The following CCDC71L variants were observed in gnomAD, a reference collection of about 807,000 sequenced individuals.
CCDC71L encodes coiled-coil domain-containing protein 71L.
CCDC71L carries 6 observed loss-of-function variants against 10.2 expected under a neutral mutation model. That is an observed-to-expected ratio of 0.59 (90% CI 0.32 to 1.16). CCDC71L has a LOEUF of 1.16. CCDC71L is among the 50% of genes most tolerant of loss of function. CCDC71L has a pLI of 0.05. For missense variants in CCDC71L, 366 were observed against 383.4 expected (o/e 0.95, Z 0.38); for synonymous variants, 204 against 175.5 (o/e 1.16, Z -1.28).
In CCDC71L at chr7:106,658,542, T is replaced by C. The variant is rs1428025802; in HGVS notation, c.*1647A>G. The stretch of plus-strand genomic sequence containing the variant: ...CTCCTAAAAAGCTGCCAAGCAGAGA[T>C]AAGCTTTAGTATTAAAGATTTCACA... On this transcript the variant is annotated 3_prime_UTR_variant, in exon 1 of 1. Coordinates refer to ENST00000523505, the MANE Select transcript of CCDC71L (RefSeq NM_175884.6). 6.6e-6 allele frequency: 1 copy of C among 152,504 alleles called. No homozygotes were observed. The highest frequency in any genetic ancestry group is 1.5e-5 in the Non-Finnish European group (1 of 68,024). 9.4% of individuals were successfully genotyped at this position (152,504 alleles called of 1,614,324 possible). A position where few individuals can be genotyped will look rare whatever the true frequency, so the allele number is the denominator to read the frequency against.
At position 106,657,075 on chromosome 7, in the gene CCDC71L, AAG is replaced by A. The variant is rs564858926; in HGVS notation, c.*3112_*3113del. The stretch of plus-strand genomic sequence containing the variant: ...ATTCAAATATTTTTAAAATTTACTT[AAG>A]AGTTTTCTAAAAAATAGTACTATCA... On this transcript the variant is annotated 3_prime_UTR_variant, in exon 1 of 1. Transcript: ENST00000523505. 3 of 148,156 alleles carry A rather than the reference AAG, an allele frequency of 2.0e-5. No homozygotes were observed. The highest frequency in any genetic ancestry group is 6.6e-5 in the Admixed American group (1 of 15,076). The allele number at this position is 148,156 out of a possible 1,614,324, so 9.2% of individuals were successfully genotyped here.
rs1025023406 is a variant in CCDC71L, at chr7:106,659,394, G to T, written c.*795C>A. 6.6e-6 allele frequency: 1 copy of T among 152,356 alleles called. No individual in the cohort carries two copies. Among genetic ancestry groups the T allele is most frequent in the Admixed American group, 6.6e-5 (1 of 15,262 alleles). 9.4% of individuals were successfully genotyped at this position (152,356 alleles called of 1,614,324 possible). On this transcript the variant is annotated 3_prime_UTR_variant, in exon 1 of 1. Transcript: ENST00000523505. The stretch of plus-strand genomic sequence containing the variant: ...ATGCATTTTTTTATTCAATTCAAAA[G>T]AATTTAACAAGTTAACTTTTCCTAA...
In CCDC71L at chr7:106,660,206, G is replaced by A. The variant is rs779188005; in HGVS notation, c.691C>T (p.Pro231Ser). Residue 231 changes from proline to serine, a missense_variant, in exon 1 of 1, where the codon CCG (proline) becomes TCG (serine). Transcript: ENST00000523505. The surrounding 1 kb of genome is among the most constrained non-coding windows in gnomAD (Gnocchi z 7.5). The part of the protein sequence containing the change: ...LEPMVRLRRF[P>S]VPRA ...GCCGCACCTCATGCCCGGGGCACCG[G>A]GAAGCGGCGGAGCCTCACCATGGGT... The A allele has an allele frequency of 1.9e-6, 3 of 1,567,186 alleles. No homozygotes were observed. In the South Asian group the frequency reaches 3.4e-5, roughly 18 times the overall value.
Position 106,660,778 on chromosome 7 carries a change from AC to A in CCDC71L, c.118del (p.Val40TrpfsTer32). Reference protein sequence around the residue: ...GAGLEAREEKVVYSRSQLSLA... With the variant: ...GAGLEAREEKXVYSRSQLSLA... The stretch of plus-strand genomic sequence containing the variant: ...CGACAGTTGCGACCGCGAGTACACC[AC>A]CTTCTCCTCCCGCGCCTCCAACCCA... On this transcript the variant is annotated frameshift_variant, in exon 1 of 1. Coordinates refer to ENST00000523505, the MANE Select transcript of CCDC71L (RefSeq NM_175884.6). LOFTEE classifies it high-confidence loss of function. This position sits in a 1 kb window ranked among gnomAD's most constrained non-coding sequence, Gnocchi z 7.5. The A allele has an allele frequency of 6.5e-7, 1 of 1,548,772 alleles. No homozygotes were observed.
rs1792592414 is a variant in CCDC71L, at chr7:106,661,063, C to T, written c.-167G>A. The T allele has an allele frequency of 1.9e-6, 2 of 1,044,928 alleles. No homozygotes were observed. Among genetic ancestry groups the T allele is most frequent in the Non-Finnish European group, 2.5e-6 (2 of 793,580 alleles). The allele number at this position is 1,044,928 out of a possible 1,614,324, so 64.7% of individuals were successfully genotyped here. On this transcript the variant is annotated 5_prime_UTR_variant, in exon 1 of 1. Coordinates refer to ENST00000523505, the MANE Select transcript of CCDC71L (RefSeq NM_175884.6). Reference sequence around the variant, plus strand: ...AGGGCGGAGGACGCGGGCGAATATCCTGCTGCCCGGTACAAGATGGCGGCC... The same window carrying T: ...AGGGCGGAGGACGCGGGCGAATATCTTGCTGCCCGGTACAAGATGGCGGCC...
In CCDC71L at chr7:106,660,481, G is replaced by A. The variant is rs1584308526; in HGVS notation, c.416C>T (p.Ala139Val). 1.2e-5 allele frequency: 15 copies of A among 1,224,868 alleles called. No individual in the cohort carries two copies. In the South Asian group the frequency reaches 4.4e-4, roughly 36 times the overall value. 75.9% of individuals were successfully genotyped at this position (1,224,868 alleles called of 1,614,324 possible). The change falls in exon 1 of 1, where the codon GCG becomes GTG. Residue 139 changes from alanine (A) to valine (V), a missense_variant. Physicochemically the swap from Ala to Val is moderately conservative, Grantham distance 64. Coordinates refer to ENST00000523505, the MANE Select transcript of CCDC71L (RefSeq NM_175884.6). This position sits in a 1 kb window ranked among gnomAD's most constrained non-coding sequence, Gnocchi z 7.5. ...GGGCTTCCTCCTGCGGGCAGCGGCC[G>A]CCCGGGCTCCGCGGCGCCTCCTCCT... is the stretch of plus-strand genomic sequence containing the variant. The part of the protein sequence containing the change: ...AARRRRRGAR[A>V]AAARRRKPRP...
rs1369557392 is a variant in CCDC71L at position 106,661,127 on chromosome 7, G to A, written c.-231C>T. ...GGGCTTTGTCATTGGACGGCGCCTC[G>A]CCCCCCTGGTTTCTCTTTCTTCTCC... On this transcript the variant is annotated 5_prime_UTR_variant, in exon 1 of 1. Coordinates refer to ENST00000523505, the MANE Select transcript of CCDC71L (RefSeq NM_175884.6). 6 of 478,996 alleles carry A rather than the reference G, an allele frequency of 1.3e-5. No homozygotes were observed. Among genetic ancestry groups the A allele is most frequent in the South Asian group, 1.7e-4 (2 of 11,604 alleles). 29.7% of individuals were successfully genotyped at this position (478,996 alleles called of 1,614,324 possible).
Position 106,660,083 on chromosome 7 carries a change from G to T in CCDC71L, c.*106C>A. ...GCGCGTAAAGTGCATTGGGGGCCGG[G>T]GTCCTGGCCGGATCTGTAAACACTC... On this transcript the variant is annotated 3_prime_UTR_variant, in exon 1 of 1. Transcript: ENST00000523505. This position sits in a 1 kb window ranked among gnomAD's most constrained non-coding sequence, Gnocchi z 7.5. 7.5e-7 allele frequency: 1 copy of T among 1,328,856 alleles called. No homozygotes were observed. The highest frequency in any genetic ancestry group is 9.7e-7 in the Non-Finnish European group (1 of 1,029,710). The allele number at this position is 1,328,856 out of a possible 1,614,324, so 82.3% of individuals were successfully genotyped here.
At position 106,660,525 on chromosome 7, in the gene CCDC71L, C is replaced by G; in HGVS notation, c.372G>C (p.Pro124=). 6.9e-7 allele frequency: 1 copy of G among 1,444,940 alleles called. No homozygotes were observed. The highest frequency in any genetic ancestry group is 9.1e-7 in the Non-Finnish European group (1 of 1,094,472). 89.5% of individuals were successfully genotyped at this position (1,444,940 alleles called of 1,614,324 possible). A position where few individuals can be genotyped will look rare whatever the true frequency, so the allele number is the denominator to read the frequency against. The change falls in exon 1 of 1, where the codon CCG becomes CCC. Residue 124 remains proline, a synonymous_variant. Transcript: ENST00000523505. This position sits in a 1 kb window ranked among gnomAD's most constrained non-coding sequence, Gnocchi z 7.5. ...TCCTCCTGGCCGCTGCGCGCGGAAC[C>G]GGCCGGCGCGCCTGGCCGCGGGCTG... ...PPTARGQARR[P]VPRAAARRRR...
In CCDC71L at chr7:106,658,104, CTAGT is replaced by C. The variant is rs1367117571; in HGVS notation, c.*2081_*2084del. Reference sequence around the variant, plus strand: ...TGTACAAATACATTTTTTCCAGGTGCTAGTTAGCTATAAAAGTTAACAATATATT... The same window carrying C: ...TGTACAAATACATTTTTTCCAGGTGCTAGCTATAAAAGTTAACAATATATT... On this transcript the variant is annotated 3_prime_UTR_variant, in exon 1 of 1. Coordinates refer to ENST00000523505, the MANE Select transcript of CCDC71L (RefSeq NM_175884.6). The C allele has an allele frequency of 3.3e-5, 5 of 152,082 alleles. No individual in the cohort carries two copies. The highest frequency in any genetic ancestry group is 1.2e-4 in the African/African-American group (5 of 41,412). The allele number at this position is 152,082 out of a possible 1,614,324, so 9.4% of individuals were successfully genotyped here.
At position 106,660,141 on chromosome 7, in the gene CCDC71L, G is replaced by C; in HGVS notation, c.*48C>G. On this transcript the variant is annotated 3_prime_UTR_variant, in exon 1 of 1. Coordinates refer to ENST00000523505, the MANE Select transcript of CCDC71L (RefSeq NM_175884.6). The surrounding 1 kb of genome is among the most constrained non-coding windows in gnomAD (Gnocchi z 7.5). ...ACTTGTTCATTCCTCCGGGCGGAAGGCCTGTCCCAAGGTCGGGGCCGGCAG... is the reference window on the plus strand; with the variant it reads ...ACTTGTTCATTCCTCCGGGCGGAAGCCCTGTCCCAAGGTCGGGGCCGGCAG... 1 of 1,463,218 alleles carries C rather than the reference G, an allele frequency of 6.8e-7. No homozygotes were observed. The highest frequency in any genetic ancestry group is 8.9e-7 in the Non-Finnish European group (1 of 1,117,816). The allele number at this position is 1,463,218 out of a possible 1,614,324, so 90.6% of individuals were successfully genotyped here. A position where few individuals can be genotyped will look rare whatever the true frequency, so the allele number is the denominator to read the frequency against.
Position 106,660,969 on chromosome 7 carries a change from C to T in CCDC71L, c.-73G>A. ...GCCGCCGTCCCAGTCCGCGTTGGCT[C>T]CGCGGCGGCGGCTGCTGCTGGCGTC... On this transcript the variant is annotated 5_prime_UTR_variant, in exon 1 of 1. Coordinates refer to ENST00000523505, the MANE Select transcript of CCDC71L (RefSeq NM_175884.6). The surrounding 1 kb of genome is among the most constrained non-coding windows in gnomAD (Gnocchi z 7.5). The T allele has an allele frequency of 7.7e-7, 1 of 1,297,178 alleles. No individual in the cohort carries two copies. The highest frequency in any genetic ancestry group is 9.8e-7 in the Non-Finnish European group (1 of 1,024,768). 80.4% of individuals were successfully genotyped at this position (1,297,178 alleles called of 1,614,324 possible). A position where few individuals can be genotyped will look rare whatever the true frequency, so the allele number is the denominator to read the frequency against.
At position 106,656,113 on chromosome 7, in the gene CCDC71L, A is replaced by G. The variant is rs903500759; in HGVS notation, c.*4076T>C. 8.5e-5 allele frequency among the ~76,000 whole-genome samples: 13 copies of G among 152,228 alleles called. No individual in the cohort carries two copies. Among genetic ancestry groups the G allele is most frequent in the Admixed American group, 7.9e-4 (12 of 15,286 alleles). On this transcript the variant is annotated 3_prime_UTR_variant, in exon 1 of 1. Transcript: ENST00000523505. ...TGAGGAAGCAAGGCACAAAGATTTTAAGTAACTTACCTACAGTCTCAACAC... is the reference window on the plus strand; with the variant it reads ...TGAGGAAGCAAGGCACAAAGATTTTGAGTAACTTACCTACAGTCTCAACAC...
At position 106,660,512 on chromosome 7, in the gene CCDC71L, C is replaced by G; in HGVS notation, c.385G>C (p.Ala129Pro). Reference sequence around the variant, plus strand: ...GCTCCGCGGCGCCTCCTCCTGGCCGCTGCGCGCGGAACCGGCCGGCGCGCC... The same window carrying G: ...GCTCCGCGGCGCCTCCTCCTGGCCGGTGCGCGCGGAACCGGCCGGCGCGCC... The part of the protein sequence containing the change: ...GQARRPVPRA[A>P]ARRRRRGARA... The change falls in exon 1 of 1, where the codon GCG becomes CCG. Residue 129 changes from alanine to proline, a missense_variant. Coordinates refer to ENST00000523505, the MANE Select transcript of CCDC71L (RefSeq NM_175884.6). This position sits in a 1 kb window ranked among gnomAD's most constrained non-coding sequence, Gnocchi z 7.5. The G allele has an allele frequency of 7.3e-7, 1 of 1,363,064 alleles. No individual in the cohort carries two copies. The allele number at this position is 1,363,064 out of a possible 1,614,324, so 84.4% of individuals were successfully genotyped here.
In CCDC71L at chr7:106,658,050, TA is replaced by T. The variant is rs1180487297; in HGVS notation, c.*2138del. The T allele has an allele frequency of 1.3e-5, 2 of 152,230 alleles. No individual in the cohort carries two copies. The highest frequency in any genetic ancestry group is 1.3e-4 in the Admixed American group (2 of 15,282). The allele number at this position is 152,230 out of a possible 1,614,324, so 9.4% of individuals were successfully genotyped here. A position where few individuals can be genotyped will look rare whatever the true frequency, so the allele number is the denominator to read the frequency against. On this transcript the variant is annotated 3_prime_UTR_variant, in exon 1 of 1. Coordinates refer to ENST00000523505, the MANE Select transcript of CCDC71L (RefSeq NM_175884.6). ...TATGGCCATTGGGTTTATTTTTCAT[TA>T]TTATAAAACTATATACAATAGTAAA...
At position 106,660,416 on chromosome 7, in the gene CCDC71L, A is replaced by G; in HGVS notation, c.481T>C (p.Cys161Arg). 1 of 1,265,456 alleles carries G rather than the reference A, an allele frequency of 7.9e-7. No homozygotes were observed. The highest frequency in any genetic ancestry group is 9.9e-7 in the Non-Finnish European group (1 of 1,006,388). 78.4% of individuals were successfully genotyped at this position (1,265,456 alleles called of 1,614,324 possible). The change falls in exon 1 of 1, where the codon TGC (cysteine) becomes CGC (arginine). Residue 161 changes from cysteine (C) to arginine (R), a missense_variant. Physicochemically the swap from Cys to Arg is radical, Grantham distance 180 (BLOSUM62 -3). Coordinates refer to ENST00000523505, the MANE Select transcript of CCDC71L (RefSeq NM_175884.6). The surrounding 1 kb of genome is among the most constrained non-coding windows in gnomAD (Gnocchi z 7.5). Reference sequence around the variant, plus strand: ...CCGGGGGCCACGGGCTTGGCCGGGCAGCTCTCCTCGGGGGGCGGCGGCGGT... The same window carrying G: ...CCGGGGGCCACGGGCTTGGCCGGGCGGCTCTCCTCGGGGGGCGGCGGCGGT... Reference protein sequence around the residue: ...PPPPPPPEESCPAKPVAPGPC... With the variant: ...PPPPPPPEESRPAKPVAPGPC...
chr7:106,660,013 C>T lies in CCDC71L; in HGVS notation c.*176G>A, dbSNP rs1792559859. 1.1e-6 allele frequency: 1 copy of T among 916,974 alleles called. No individual in the cohort carries two copies. The highest frequency in any genetic ancestry group is 1.5e-6 in the Non-Finnish European group (1 of 658,038). The allele number at this position is 916,974 out of a possible 1,614,324, so 56.8% of individuals were successfully genotyped here. On this transcript the variant is annotated 3_prime_UTR_variant, in exon 1 of 1. Transcript: ENST00000523505. This position sits in a 1 kb window ranked among gnomAD's most constrained non-coding sequence, Gnocchi z 7.5. ...ACACCTGCCCCAGCGTCCAAGACGA[C>T]CGCGCCGCGGCCCGGGACAGGGACA...
In CCDC71L at chr7:106,660,942, C is replaced by A; in HGVS notation, c.-46G>T. ...TCACGCTCGCCGGGTCCCACTACTG[C>A]CGCCGCCGTCCCAGTCCGCGTTGGC... is the stretch of plus-strand genomic sequence containing the variant. On this transcript the variant is annotated 5_prime_UTR_variant, in exon 1 of 1. Coordinates refer to ENST00000523505, the MANE Select transcript of CCDC71L (RefSeq NM_175884.6). This position sits in a 1 kb window ranked among gnomAD's most constrained non-coding sequence, Gnocchi z 7.5. The A allele has an allele frequency of 7.6e-7, 1 of 1,311,818 alleles. No individual in the cohort carries two copies. The highest frequency in any genetic ancestry group is 9.7e-7 in the Non-Finnish European group (1 of 1,032,194). 81.3% of individuals were successfully genotyped at this position (1,311,818 alleles called of 1,614,324 possible).
In CCDC71L at chr7:106,660,947, G is replaced by A. The variant is rs1355439190; in HGVS notation, c.-51C>T. 5 of 1,308,272 alleles carry A rather than the reference G, an allele frequency of 3.8e-6. No individual in the cohort carries two copies. Among genetic ancestry groups the A allele is most frequent in the South Asian group, 4.5e-5 (2 of 44,564 alleles). The allele number at this position is 1,308,272 out of a possible 1,614,324, so 81.0% of individuals were successfully genotyped here. On this transcript the variant is annotated 5_prime_UTR_variant, in exon 1 of 1. Coordinates refer to ENST00000523505, the MANE Select transcript of CCDC71L (RefSeq NM_175884.6). The surrounding 1 kb of genome is among the most constrained non-coding windows in gnomAD (Gnocchi z 7.5). ...CTCGCCGGGTCCCACTACTGCCGCC[G>A]CCGTCCCAGTCCGCGTTGGCTCCGC...
Sources: gnomAD v4.1 joint callset for allele counts (sites outside exome capture counted in the v4.1 genomes callset) on GRCh38, gnomAD v4.1.1 for gene constraint, Gnocchi (gnomAD v3.1) non-coding constraint, MANE v1.5 for transcripts, NCBI Gene and HGNC (gene_info 2026-07-23, HGNC 2026-07-21) for gene names.